CFAP69: variants seen among roughly 807,000 people sequenced by gnomAD.
The protein encoded by CFAP69 is cilia- and flagella-associated protein 69.
CFAP69 carries 92 observed loss-of-function variants against 123.0 expected under a neutral mutation model. The ratio of observed to expected loss-of-function variants is 0.75; its 90% CI spans 0.63 to 0.89. The LOEUF (loss-of-function observed/expected upper bound fraction) is 0.89. CFAP69 is among the 40% of genes least tolerant of loss of function. The pLI, the probability that CFAP69 is intolerant of heterozygous loss-of-function variation, is 0.00. For synonymous variants in CFAP69, 380 were observed against 364.3 expected, an observed-to-expected ratio of 1.04 and a Z score of -0.49; for missense variants, 1,067 against 1,096.9, an observed-to-expected ratio of 0.97 and a Z score of 0.39.
intron 4 of CFAP69, 87 bp from the exon 5 acceptor site, chr7:90,265,214 G>C (rs1562857265): frequency 1.3e-6 from 1 of 762,908 alleles, no homozygotes; most frequent in Non-Finnish European, 2.2e-6. Flanking sequence ...TTATTCTTTA[G>C]AAATGAACTC....
intron 12 of CFAP69, among the ~76,000 whole-genome samples, chr7:90,280,870 A>G (rs938254446): frequency 1.3e-5 from 2 of 152,210 alleles, no homozygotes; most frequent in Non-Finnish European, 2.9e-5. Context: ...TGCATGAAGG[A>G]GGAAAAAATG....
chr7:90,254,253 T>C (rs1797376362), intron 1 of CFAP69, among the ~76,000 whole-genome samples: 2 of 152,132 alleles, frequency 1.3e-5, no homozygotes, highest in South Asian at 2.1e-4. Flanking sequence ...TGCAGTATAT[T>C]TTGAAGTCAG....
At chr7:90,318,013 G>A in the CFAP69 span, 1 of 152,208 alleles carries the variant, frequency 6.6e-6, no homozygotes, top group East Asian at 1.9e-4. Flanking sequence ...TTATAAGCAT[G>A]TGAATCTTGA....
At position 90,310,223 on chromosome 7, in the gene CFAP69, G is replaced by A; in HGVS notation, c.2811G>A (p.Lys937=). Reference sequence around the variant, plus strand: ...TTAAAATTGTGGATGCACCAAAAAAGAGTATTCCTACGTAATATACTATAG... The same window carrying A: ...TTAAAATTGTGGATGCACCAAAAAAAAGTATTCCTACGTAATATACTATAG... The part of the protein sequence containing the change: ...KAVKIVDAPK[K]SIPT Residue 937 remains lysine (K), a synonymous_variant, in exon 23 of 23, where the codon AAG becomes AAA. Transcript: ENST00000389297. The A allele has an allele frequency of 6.2e-7, 1 of 1,613,326 alleles. No homozygotes were observed.
At chr7:90,318,689 A>G in the CFAP69 span, 2 of 152,124 alleles carry the variant, frequency 1.3e-5, no homozygotes, top group Admixed American at 1.3e-4. Context: ...ACACCTTCTA[A>G]GTAAAAAATT....
chr7:90,283,989 C>A (rs1279531736), intron 13 of CFAP69, among the ~76,000 whole-genome samples: 1 of 152,030 alleles, frequency 6.6e-6, no homozygotes, highest in Non-Finnish European at 1.5e-5. Context: ...TTGGGATGAA[C>A]AAACCTGAAA....
intron 9 of CFAP69, 148 bp from the exon 10 acceptor site, chr7:90,276,925 C>T: frequency 3.9e-6 from 2 of 509,404 alleles, no homozygotes; most frequent in Non-Finnish European, 6.5e-6. Context: ...TTTTGCCTCA[C>T]TCTTTATTAC....
chr7:90,268,273 AT>A lies in CFAP69; in HGVS notation c.434-12del. On this transcript the variant is annotated splice_polypyrimidine_tract_variant and intron_variant, in intron 5 of 22. Coordinates refer to ENST00000389297, the MANE Select transcript of CFAP69 (RefSeq NM_001039706.3). The stretch of plus-strand genomic sequence containing the variant: ...CAGTGTTGTTAAATAGCACCTGTTT[AT>A]CTTTCTGGCAGGTGACTTAATGAAA... 1 of 1,564,926 alleles carries A rather than the reference AT, an allele frequency of 6.4e-7. No homozygotes were observed. Among genetic ancestry groups the A allele is most frequent in the Non-Finnish European group, 8.7e-7 (1 of 1,143,300 alleles).
chr7:90,289,160 C>A (rs1376564418), intron 15 of CFAP69, among the ~76,000 whole-genome samples: 3 of 151,838 alleles, frequency 2.0e-5, no homozygotes, highest in Non-Finnish European at 4.4e-5. Context: ...TATTTCTGTC[C>A]AGTATACACC....
At chr7:90,258,806 A>C (rs952351867) in intron 3 of CFAP69, among the ~76,000 whole-genome samples, 1 of 152,204 alleles carries the variant, frequency 6.6e-6, no homozygotes, top group Non-Finnish European at 1.5e-5. Context: ...GATAATGTAA[A>C]TAAAATTGAA....
intron 6 of CFAP69, among the ~76,000 whole-genome samples, chr7:90,269,505 A>G (rs17869407): frequency 0.02 from 3,005 of 152,262 alleles, 98 homozygotes; most frequent in East Asian, 0.11. Context: ...AGTGAATCAA[A>G]TATTTGACAA....
Position 90,310,348 on chromosome 7 carries a change from T to C in CFAP69, c.*110T>C. On this transcript the variant is annotated 3_prime_UTR_variant, in exon 23 of 23. Transcript: ENST00000389297. ...TAGAATAAGTATTTTAGTATAAATA[T>C]TTTAGTAAAATACTATAAAAATAAA... is the stretch of plus-strand genomic sequence containing the variant. 2 of 559,590 alleles carry C rather than the reference T, an allele frequency of 3.6e-6. No homozygotes were observed. Among genetic ancestry groups the C allele is most frequent in the Non-Finnish European group, 5.4e-6 (2 of 372,730 alleles). The allele number at this position is 559,590 out of a possible 1,614,324, so 34.7% of individuals were successfully genotyped here.
At chr7:90,290,572 G>A (rs958776448) in intron 15 of CFAP69, among the ~76,000 whole-genome samples, 3 of 152,090 alleles carry the variant, frequency 2.0e-5, no homozygotes, top group Non-Finnish European at 2.9e-5. Context: ...CCAGAATAAT[G>A]TTTGCCCAAA....
At chr7:90,290,791 T>TTTTC (rs1035696504) in intron 15 of CFAP69, among the ~76,000 whole-genome samples, 3 of 133,748 alleles carry the variant, frequency 2.2e-5, no homozygotes, top group African/African-American at 9.1e-5. Context: ...TTTTCTTTTC[T>TTTTC]TTTCTTTTCT....
intron 4 of CFAP69, among the ~76,000 whole-genome samples, chr7:90,264,974 A>G (rs1798939383): frequency 6.6e-6 from 1 of 151,892 alleles, no homozygotes; most frequent in South Asian, 2.1e-4. Context: ...TTGTATTTTT[A>G]GAAGAGACGG....
chr7:90,267,465 A>G (rs941202753), intron 5 of CFAP69, among the ~76,000 whole-genome samples: 1 of 152,190 alleles, frequency 6.6e-6, no homozygotes, highest in Non-Finnish European at 1.5e-5. Flanking sequence ...AGTCCCACAG[A>G]TCATTTTCAG....
rs187055411 is a variant in CFAP69 at position 90,304,927 on chromosome 7, A to G, written c.2265+107A>G. On this transcript the variant is annotated intron_variant, in intron 19 of 22. Transcript: ENST00000389297. The stretch of plus-strand genomic sequence containing the variant: ...GTGAGCAATCATCTACATACTGTAT[A>G]GTTTTTATTTTTCATTTTGCATCTG... 326 of 824,880 alleles carry G rather than the reference A, an allele frequency of 4.0e-4. No homozygotes were observed. The East Asian group carries it at 8.6e-3, about 22-fold the overall frequency. 51.1% of individuals were successfully genotyped at this position (824,880 alleles called of 1,614,324 possible).
chr7:90,314,236 A>C (rs984842710), downstream of CFAP69, among the ~76,000 whole-genome samples: 1 of 152,176 alleles, frequency 6.6e-6, no homozygotes, highest in Non-Finnish European at 1.5e-5. Flanking sequence ...GGGAAAAACT[A>C]CTGAAATCTG....
At chr7:90,265,213 A>T in intron 4 of CFAP69, 88 bp from the exon 5 acceptor site, 1 of 749,130 alleles carries the variant, frequency 1.3e-6, no homozygotes, top group Non-Finnish European at 2.3e-6. Context: ...TTTATTCTTT[A>T]GAAATGAACT....
Sources: gnomAD v4.1 joint callset for allele counts (sites outside exome capture counted in the v4.1 genomes callset) on GRCh38, gnomAD v4.1.1 for gene constraint, MANE v1.5 for transcripts, NCBI Gene and HGNC (gene_info 2026-07-23, HGNC 2026-07-21) for gene names.